Variants in PCSK4 observed in about 807,000 individuals in gnomAD.
The protein encoded by PCSK4 is testicular tissue protein Li 135.
PCSK4 carries 64 observed loss-of-function variants against 80.3 expected under a neutral mutation model. The observed-to-expected ratio is 0.80, with a 90% confidence interval of 0.65 to 0.98. The LOEUF (loss-of-function observed/expected upper bound fraction) is 0.98, where lower values mean the gene tolerates loss of function less well. Among genes scored for constraint, PCSK4 ranks in the 50% least tolerant of loss-of-function variants. The pLI, the probability that PCSK4 is intolerant of heterozygous loss-of-function variation, is 0.00. For missense variants in PCSK4, 1,213 were observed against 1,093.6 expected, an observed-to-expected ratio of 1.11 and a Z score of -1.54; for synonymous variants, 561 against 487.6, an observed-to-expected ratio of 1.15 and a Z score of -1.98.
intron 9 of PCSK4, 35 bp downstream of exon 9, chr19:1,483,992 G>T: frequency 6.7e-7 from 1 of 1,494,378 alleles, no homozygotes; most frequent in Middle Eastern, 2.3e-4. Context: ...GCGCCTGGGG[G>T]CGAGGGCGGT....
chr19:1,481,959 C>A lies in PCSK4; in HGVS notation c.2068G>T (p.Asp690Tyr), dbSNP rs370118405. ...GCAGCTCTAAGCCGGGGGCGGCTGT[C>A]GGGGGTGGTGGGTCCCATGCAGGAG... Residue 690 changes from aspartate to tyrosine, a missense_variant, in exon 15 of 15, where the codon GAC (aspartate) becomes TAC (tyrosine). Transcript: ENST00000300954. 124 of 1,592,690 alleles carry A rather than the reference C, an allele frequency of 7.8e-5. No homozygotes were observed. The African/African-American group carries it at 1.2e-3, about 16-fold the overall frequency.
At chr19:1,488,494 G>A (rs761822579) in intron 2 of PCSK4, among the ~76,000 whole-genome samples, 35 of 151,952 alleles carry the variant, frequency 2.3e-4, no homozygotes, top group Non-Finnish European at 2.6e-4. Flanking sequence ...TTGCTGCCGC[G>A]GGTGACTGCA....
chr19:1,482,949 G>A (rs1263952559), exon 13 of PCSK4: 2 of 1,612,918 alleles, frequency 1.2e-6, no homozygotes, highest in Non-Finnish European at 1.7e-6. Context: ...CACGCCCTGT[G>A]GGTTCTCATC....
chr19:1,483,609 ACCC>A, intron 11 of PCSK4, 38 bp downstream of exon 11: 1 of 1,489,746 alleles, frequency 6.7e-7, no homozygotes. Flanking sequence ...TGTCCCCCAC[ACCC>A]CCAGCGGGGA....
chr19:1,485,974 T>C (rs1312085609), intron 8 of PCSK4, among the ~76,000 whole-genome samples: 1 of 152,074 alleles, frequency 6.6e-6, no homozygotes, highest in South Asian at 2.1e-4. Flanking sequence ...TTGTTTTGTT[T>C]TGTTTTGTTT....
exon 15 of PCSK4, chr19:1,481,789 T>G: frequency 1.3e-6 from 2 of 1,504,836 alleles, no homozygotes; most frequent in Non-Finnish European, 1.8e-6. Flanking sequence ...AGACCTGGGG[T>G]TTGGTGGGGG....
chr19:1,483,199 C>G, intron 12 of PCSK4, 85 bp downstream of exon 12: 1 of 1,370,174 alleles, frequency 7.3e-7, no homozygotes. Flanking sequence ...TGGGCCTGGC[C>G]CCTCCCCGTG....
chr19:1,484,060 G>T, exon 9 of PCSK4: 1 of 1,561,548 alleles, frequency 6.4e-7, no homozygotes. Flanking sequence ...CATGCCGGCC[G>T]CCAGTGGGGC....
At chr19:1,488,480 G>A (rs753863645) in intron 2 of PCSK4, among the ~76,000 whole-genome samples, 200 bp from the exon 3 acceptor site, 1 of 152,054 alleles carries the variant, frequency 6.6e-6, no homozygotes, top group African/African-American at 2.4e-5. Context: ...CCACAGACGC[G>A]TCGTTGCTGC....
At chr19:1,481,857 G>T in exon 15 of PCSK4, 1 of 1,582,538 alleles carries the variant, frequency 6.3e-7, no homozygotes, top group East Asian at 2.3e-5. Context: ...ATGCCGCAGA[G>T]GACGGGGCCT....
exon 13 of PCSK4, chr19:1,482,994 T>C (rs976858548): frequency 1.3e-6 from 2 of 1,592,524 alleles, no homozygotes; most frequent in African/African-American, 1.3e-5. Flanking sequence ...CCAGTTGTTG[T>C]AGCCTTCAGT....
intron 8 of PCSK4, 95 bp downstream of exon 8, chr19:1,486,758 G>T: frequency 9.4e-7 from 1 of 1,062,702 alleles, no homozygotes; most frequent in Non-Finnish European, 1.4e-6. Context: ...AAGCAGCTTT[G>T]GGAGGGTGCT....
chr19:1,485,732 A>G (rs916502070), intron 8 of PCSK4, among the ~76,000 whole-genome samples: 5 of 151,782 alleles, frequency 3.3e-5, no homozygotes, highest in African/African-American at 1.2e-4. Context: ...TTAGCCGGGC[A>G]TGGTGGCGGG....
chr19:1,481,608 C>G (rs1029793348), exon 15 of PCSK4: 2 of 521,482 alleles, frequency 3.8e-6, no homozygotes, highest in East Asian at 6.0e-5. Flanking sequence ...TCTCTCCCGC[C>G]AGGCTTCGGG....
chr19:1,482,045 C>A (rs1444094066), exon 15 of PCSK4: 1 of 1,559,918 alleles, frequency 6.4e-7, no homozygotes, highest in South Asian at 1.2e-5. Context: ...CGGGGAGCCG[C>A]CGCGGCAGGT....
exon 7 of PCSK4, chr19:1,487,203 C>T (rs773199644): frequency 6.2e-6 from 10 of 1,607,950 alleles, no homozygotes; most frequent in South Asian, 5.5e-5. Context: ...ACCGTGCGGC[C>T]GTCGTCCTCG....
chr19:1,487,464 C>A, intron 6 of PCSK4, 139 bp downstream of exon 6: 1 of 1,002,922 alleles, frequency 1.0e-6, no homozygotes, highest in Admixed American at 2.2e-5. Context: ...CTCAGCACCC[C>A]CCAAGCCCTG....
At chr19:1,489,928 G>T (rs763017713) in intron 1 of PCSK4, 31 bp from the exon 2 acceptor site, 25 of 1,576,714 alleles carry the variant, frequency 1.6e-5, no homozygotes, top group Non-Finnish European at 2.0e-5. Flanking sequence ...CCGCACCGAT[G>T]GGACCCGGCT....
rs755105556 is a variant in PCSK4, at chr19:1,482,488, C to T, written c.1697-13G>A. On this transcript the variant is annotated splice_polypyrimidine_tract_variant and intron_variant, in intron 13 of 14. Transcript: ENST00000300954. Reference sequence around the variant, plus strand: ...CGGTACAACGTCCCTGGACAGGGGTCGCGGGTGGGCACAGGAGGAAAAGGA... The same window carrying T: ...CGGTACAACGTCCCTGGACAGGGGTTGCGGGTGGGCACAGGAGGAAAAGGA... The T allele has an allele frequency of 1.9e-5, 30 of 1,595,750 alleles. No homozygotes were observed. Among genetic ancestry groups the T allele is most frequent in the East Asian group, 4.5e-5 (2 of 44,714 alleles).
Sources: allele counts gnomAD v4.1 joint callset (sites outside exome capture counted in the v4.1 genomes callset), GRCh38; gene constraint gnomAD v4.1.1; transcripts MANE v1.5; gene names NCBI Gene and HGNC (gene_info 2026-07-23, HGNC 2026-07-21).